Variants in LRRC4C observed in about 807,000 individuals in gnomAD.
LRRC4C encodes leucine rich repeat containing 4C.
LRRC4C carries 5 observed loss-of-function variants against 33.6 expected under a neutral mutation model. That is an observed-to-expected ratio of 0.15 (90% confidence interval 0.08 to 0.31). LRRC4C has a LOEUF of 0.31. LRRC4C is among the 10% of genes least tolerant of loss of function. The pLI is 1.00. For missense variants in LRRC4C, 560 were observed against 796.7 expected (o/e 0.70, Z 3.58); for synonymous variants, 329 against 302.0 (o/e 1.09, Z -0.93).
At chr11:40,759,753 C>T (rs1949113094) in intron 2 of LRRC4C, among the ~76,000 whole-genome samples, 1 of 151,884 alleles carries the variant, frequency 6.6e-6, no homozygotes. Context: ...AAAATGATAT[C>T]ATGTTGATAT....
chr11:41,330,082 T>C (rs1020803070), intron 1 of LRRC4C, among the ~76,000 whole-genome samples: 2 of 152,200 alleles, frequency 1.3e-5, no homozygotes, highest in African/African-American at 4.8e-5. Flanking sequence ...AGGCAAATTG[T>C]ATCCATGCAA....
chr11:41,401,033 C>T (rs1954006544), intron 1 of LRRC4C, among the ~76,000 whole-genome samples: 1 of 151,554 alleles, frequency 6.6e-6, no homozygotes, highest in Admixed American at 6.6e-5. Flanking sequence ...TGGCAGACAC[C>T]CAAGAAATAT....
chr11:40,466,006 T>C (rs1483093602), intron 3 of LRRC4C, among the ~76,000 whole-genome samples: 1 of 151,984 alleles, frequency 6.6e-6, no homozygotes, highest in African/African-American at 2.4e-5. Context: ...AGCAAAAATA[T>C]AGAATCAACC....
At chr11:40,252,671 T>C (rs1387355747) in intron 4 of LRRC4C, among the ~76,000 whole-genome samples, 3 of 152,206 alleles carry the variant, frequency 2.0e-5, no homozygotes, top group Non-Finnish European at 4.4e-5. Flanking sequence ...TGGATGTGGC[T>C]CTAAGATTGG....
chr11:41,346,811 C>T (rs1255383202), intron 1 of LRRC4C, among the ~76,000 whole-genome samples: 1 of 152,088 alleles, frequency 6.6e-6, no homozygotes, highest in Non-Finnish European at 1.5e-5. Context: ...TACTGATTGA[C>T]AACTAAAGTA....
chr11:40,997,071 A>T (rs1366034797), intron 1 of LRRC4C, among the ~76,000 whole-genome samples: 1 of 152,196 alleles, frequency 6.6e-6, no homozygotes, highest in South Asian at 2.1e-4. Flanking sequence ...GATATGCAAC[A>T]TAAAATTTTG....
chr11:40,353,258 A>G (rs1023792148), intron 3 of LRRC4C, among the ~76,000 whole-genome samples: 2 of 151,802 alleles, frequency 1.3e-5, no homozygotes, highest in Non-Finnish European at 2.9e-5. Flanking sequence ...GTTGTAGTTC[A>G]TTCTTTTTTA....
At chr11:40,198,931 G>A (rs1429799697) in intron 5 of LRRC4C, among the ~76,000 whole-genome samples, 1 of 152,166 alleles carries the variant, frequency 6.6e-6, no homozygotes, top group Admixed American at 6.5e-5. Context: ...TGCACTTTGT[G>A]GGTATATTGG....
chr11:41,248,708 A>G (rs1948533261), intron 1 of LRRC4C, among the ~76,000 whole-genome samples: 1 of 151,396 alleles, frequency 6.6e-6, no homozygotes, highest in South Asian at 2.1e-4. Flanking sequence ...TGATGACCAA[A>G]TTTACATCTC....
intron 3 of LRRC4C, among the ~76,000 whole-genome samples, chr11:40,336,459 T>C (rs1013311541): frequency 6.6e-6 from 1 of 152,146 alleles, no homozygotes; most frequent in Non-Finnish European, 1.5e-5. Flanking sequence ...AGTCAGTCTT[T>C]ATTCCTGAAT....
chr11:40,217,424 A>C (rs915536388), intron 5 of LRRC4C, among the ~76,000 whole-genome samples: 3 of 152,106 alleles, frequency 2.0e-5, no homozygotes, highest in African/African-American at 7.2e-5. Context: ...AGACTGTAAC[A>C]AAAAAGACAT....
At chr11:41,311,625 C>T (rs538341058) in intron 1 of LRRC4C, among the ~76,000 whole-genome samples, 1 of 152,180 alleles carries the variant, frequency 6.6e-6, no homozygotes, top group African/African-American at 2.4e-5. Flanking sequence ...TATATTTTGG[C>T]ATTTAAGAGT....
chr11:41,111,808 C>G (rs530362278), intron 1 of LRRC4C, among the ~76,000 whole-genome samples: 1 of 152,028 alleles, frequency 6.6e-6, no homozygotes, highest in Non-Finnish European at 1.5e-5. Flanking sequence ...TACCAACTAG[C>G]TCATCAATAT....
intron 3 of LRRC4C, among the ~76,000 whole-genome samples, chr11:40,503,236 C>A (rs1163497773): frequency 2.0e-5 from 3 of 152,098 alleles, no homozygotes. Context: ...TCCTACAGAC[C>A]CCAGGACAGA....
intron 5 of LRRC4C, among the ~76,000 whole-genome samples, chr11:40,204,835 A>G (rs1863027760): frequency 6.6e-6 from 1 of 152,122 alleles, no homozygotes; most frequent in Admixed American, 6.5e-5. Context: ...TTGCCTGCTT[A>G]GCTTTGGCCA....
chr11:41,403,032 C>T (rs1319718259), intron 1 of LRRC4C, among the ~76,000 whole-genome samples: 3 of 151,884 alleles, frequency 2.0e-5, no homozygotes, highest in Non-Finnish European at 2.9e-5. Context: ...CAGCAAAGAA[C>T]AGTATTTTTT....
At chr11:40,648,304 T>C (rs1942582266) in intron 2 of LRRC4C, 26 bp from the exon 3 acceptor site, 1 of 152,160 alleles carries the variant, frequency 6.6e-6, no homozygotes, top group African/African-American at 2.4e-5. Context: ...GAAAAAGATA[T>C]AATTAGGATT....
At chr11:41,367,720 A>T (rs1420026570) in intron 1 of LRRC4C, among the ~76,000 whole-genome samples, 2 of 152,012 alleles carry the variant, frequency 1.3e-5, no homozygotes, top group Non-Finnish European at 2.9e-5. Context: ...TAGAAATCTG[A>T]CTGAAGCATG....
chr11:40,504,678 C>A (rs1954944365), intron 3 of LRRC4C, among the ~76,000 whole-genome samples: 1 of 152,220 alleles, frequency 6.6e-6, no homozygotes, highest in South Asian at 2.1e-4. Context: ...TTATTTTGGT[C>A]TAAAATCAAT....
Sources: gnomAD v4.1 joint callset for allele counts (sites outside exome capture counted in the v4.1 genomes callset) on GRCh38, gnomAD v4.1.1 for gene constraint, MANE v1.5 for transcripts, NCBI Gene and HGNC (gene_info 2026-07-23, HGNC 2026-07-21) for gene names.